Variants in CNOT2 observed in about 807,000 individuals in gnomAD.
The protein encoded by CNOT2 is CC chemokine receptor 4-negative regulator of transcription 2.
Under a neutral mutation model 72.1 loss-of-function variants are expected in CNOT2, and 7 were observed. That is an observed-to-expected ratio of 0.10 (90% CI 0.06 to 0.18). The LOEUF (loss-of-function observed/expected upper bound fraction) is 0.18. Among genes scored for constraint, CNOT2 ranks in the 10% least tolerant of loss-of-function variants. The pLI is 1.00. For synonymous variants in CNOT2, 196 were observed against 225.6 expected (o/e 0.87, Z 1.17); for missense variants, 345 against 660.3 (o/e 0.52, Z 5.23).
chr12:70,342,812 T>C (rs1256321390), intron 13 of CNOT2, among the ~76,000 whole-genome samples: 2 of 152,202 alleles, frequency 1.3e-5, no homozygotes, highest in Non-Finnish European at 2.9e-5. Context: ...CACTTTTTGC[T>C]TTAGAAGAAC....
intron 1 of CNOT2, among the ~76,000 whole-genome samples, chr12:70,258,541 TACTC>T (rs1315090139): frequency 2.6e-5 from 4 of 152,222 alleles, no homozygotes; most frequent in African/African-American, 7.2e-5. Flanking sequence ...TATTTTATGT[TACTC>T]ATTCATTAAT....
intron 3 of CNOT2, among the ~76,000 whole-genome samples, chr12:70,312,098 A>G (rs1431083864): frequency 6.6e-6 from 1 of 151,794 alleles, no homozygotes; most frequent in African/African-American, 2.4e-5. Flanking sequence ...TTTTTCAACT[A>G]ATGTGTGTTG....
chr12:70,262,213 C>T (rs1052371722), intron 1 of CNOT2, among the ~76,000 whole-genome samples: 1 of 151,912 alleles, frequency 6.6e-6, no homozygotes, highest in African/African-American at 2.4e-5. Context: ...TATCGGCTCT[C>T]ATCTTTATTA....
rs764196432 is a variant in CNOT2 at position 70,354,444 on chromosome 12, G to C, written c.*529G>C. The C allele has an allele frequency of 2.0e-4, 30 of 152,556 alleles. No individual in the cohort carries two copies. Among genetic ancestry groups the C allele is most frequent in the Non-Finnish European group, 2.5e-4 (17 of 68,224 alleles). The allele number at this position is 152,556 out of a possible 1,614,324, so 9.5% of individuals were successfully genotyped here. A position where few individuals can be genotyped will look rare whatever the true frequency, so the allele number is the denominator to read the frequency against. On this transcript the variant is annotated 3_prime_UTR_variant, in exon 16 of 16. Coordinates refer to ENST00000229195, the MANE Select transcript of CNOT2 (RefSeq NM_014515.7). Reference sequence around the variant, plus strand: ...CCTTCTGTTTTTGAAAGGCAGTTTCGCCAAGCTTAATGCAAGAATATCTGA... The same window carrying C: ...CCTTCTGTTTTTGAAAGGCAGTTTCCCCAAGCTTAATGCAAGAATATCTGA...
chr12:70,343,913 C>T (rs900246461), intron 13 of CNOT2: 2 of 417,440 alleles, frequency 4.8e-6, no homozygotes, highest in Non-Finnish European at 8.5e-6. Context: ...TTAGATGTAT[C>T]AGAAATAATT....
chr12:70,305,782 C>T (rs1347503279), intron 2 of CNOT2, among the ~76,000 whole-genome samples: 3 of 150,856 alleles, frequency 2.0e-5, no homozygotes, highest in South Asian at 2.1e-4. Context: ...CCTCTTACTT[C>T]GTTGGTTCCC....
intron 2 of CNOT2, among the ~76,000 whole-genome samples, chr12:70,302,533 A>G (rs1874239742): frequency 6.6e-6 from 1 of 152,146 alleles, no homozygotes; most frequent in South Asian, 2.1e-4. Context: ...GTTTTGAGTG[A>G]GTTTCTTAAT....
rs764816189 is a variant in CNOT2, at chr12:70,346,146, A to G, written c.1392-34A>G. On this transcript the variant is annotated intron_variant, in intron 14 of 15. Coordinates refer to ENST00000229195, the MANE Select transcript of CNOT2 (RefSeq NM_014515.7). Reference sequence around the variant, plus strand: ...AACATGTTTGATGTAAGCCACAGGAAAAAGTTAATTATCTTTTCTTTTAAA... The same window carrying G: ...AACATGTTTGATGTAAGCCACAGGAGAAAGTTAATTATCTTTTCTTTTAAA... 8.0e-6 allele frequency: 12 copies of G among 1,507,050 alleles called. No individual in the cohort carries two copies. The Middle Eastern group carries it at 5.1e-4, about 65-fold the overall frequency. The allele number at this position is 1,507,050 out of a possible 1,614,324, so 93.4% of individuals were successfully genotyped here.
intron 2 of CNOT2, among the ~76,000 whole-genome samples, chr12:70,279,910 C>G (rs1161411259): frequency 6.6e-6 from 1 of 152,046 alleles, no homozygotes; most frequent in Non-Finnish European, 1.5e-5. Flanking sequence ...ACAAATAATC[C>G]AGGTTTTTGA....
chr12:70,335,338 A>T, intron 7 of CNOT2, 100 bp from the exon 8 acceptor site: 1 of 848,554 alleles, frequency 1.2e-6, no homozygotes, highest in Non-Finnish European at 1.9e-6. Context: ...ATTATTTAGG[A>T]AGAAGGCGCA....
chr12:70,306,478 G>T (rs534092839), intron 2 of CNOT2, among the ~76,000 whole-genome samples: 1 of 152,202 alleles, frequency 6.6e-6, no homozygotes, highest in Non-Finnish European at 1.5e-5. Flanking sequence ...TTTAGAATAT[G>T]CTGCTTAGTT....
At chr12:70,250,763 G>A (rs575030602) in intron 1 of CNOT2, among the ~76,000 whole-genome samples, 5 of 152,168 alleles carry the variant, frequency 3.3e-5, no homozygotes, top group African/African-American at 7.2e-5. Context: ...ATAGGGTCAA[G>A]TTTTGTATGT....
rs35192504 is a variant in CNOT2, at chr12:70,353,913, TAAAAAAAAAAAAAA to T, written c.*10_*23del. 6.3e-6 allele frequency: 8 copies of T among 1,275,472 alleles called. No individual in the cohort carries two copies. Among genetic ancestry groups the T allele is most frequent in the African/African-American group, 2.3e-5 (1 of 44,328 alleles). 79.0% of individuals were successfully genotyped at this position (1,275,472 alleles called of 1,614,324 possible). On this transcript the variant is annotated stop_retained_variant and 3_prime_UTR_variant, in exon 16 of 16. Coordinates refer to ENST00000229195, the MANE Select transcript of CNOT2 (RefSeq NM_014515.7). ...CTACAACCCTGCTCAGCAAGCCTTC[TAAAAAAAAAAAAAA>T]AAAAAAAAAAAGACTTCCCTTTTCT...
chr12:70,343,188 T>C (rs1881731485), intron 13 of CNOT2, among the ~76,000 whole-genome samples: 2 of 152,234 alleles, frequency 1.3e-5, no homozygotes, highest in African/African-American at 4.8e-5. Flanking sequence ...AACCTTTTCT[T>C]ATTACCAATT....
In CNOT2 at chr12:70,354,131, T is replaced by A; in HGVS notation, c.*216T>A. 3 of 908,878 alleles carry A rather than the reference T, an allele frequency of 3.3e-6. No homozygotes were observed. Among genetic ancestry groups the A allele is most frequent in the Non-Finnish European group, 4.5e-6 (3 of 672,892 alleles). The allele number at this position is 908,878 out of a possible 1,614,324, so 56.3% of individuals were successfully genotyped here. A position where few individuals can be genotyped will look rare whatever the true frequency, so the allele number is the denominator to read the frequency against. ...ACTAAATTTGTAATTTGTTTTTCTC[T>A]AGTTTGAGCAGGGTCTGAATTTTTT... On this transcript the variant is annotated 3_prime_UTR_variant, in exon 16 of 16. Transcript: ENST00000229195.
chr12:70,342,034 T>C (rs1229682492), intron 11 of CNOT2, 73 bp from the exon 12 acceptor site: 1 of 971,504 alleles, frequency 1.0e-6, no homozygotes, highest in Non-Finnish European at 1.7e-6. Flanking sequence ...GTTGGAGTCT[T>C]TGTTTTTCCT....
rs1958226769 is a variant in CNOT2 at position 70,253,011 on chromosome 12, G to C, written c.-96+9531G>C. On this transcript the variant is annotated intron_variant, in intron 1 of 15. Transcript: ENST00000229195. ...AAACAAGAATGCAGTCTTGCTCTTAGAGTCTAAACATGTTTTTCCTACCAG... is the reference window on the plus strand; with the variant it reads ...AAACAAGAATGCAGTCTTGCTCTTACAGTCTAAACATGTTTTTCCTACCAG... Among the ~76,000 whole-genome samples, 3 of 152,180 alleles carry C rather than the reference G, an allele frequency of 2.0e-5. 1 individual carries two copies. In the South Asian group the frequency reaches 6.2e-4, roughly 32 times the overall value.
intron 3 of CNOT2, among the ~76,000 whole-genome samples, chr12:70,317,303 G>A (rs917390086): frequency 2.6e-5 from 4 of 151,908 alleles, no homozygotes; most frequent in African/African-American, 2.4e-5. Flanking sequence ...TGCGCACAAC[G>A]TGCAGGTTTG....
intron 2 of CNOT2, chr12:70,301,775 G>C (rs1159093577): frequency 6.6e-6 from 1 of 152,196 alleles, no homozygotes; most frequent in Non-Finnish European, 1.5e-5. Context: ...CTATTTATTG[G>C]AATAGTTTCA....
Sources: gnomAD v4.1 joint callset for allele counts (sites outside exome capture counted in the v4.1 genomes callset) on GRCh38, gnomAD v4.1.1 for gene constraint, MANE v1.5 for transcripts, NCBI Gene and HGNC (gene_info 2026-07-23, HGNC 2026-07-21) for gene names.